Variants in BAIAP2L2 observed in about 807,000 individuals in gnomAD.
BAIAP2L2 encodes the protein BAR/IMD domain-containing adapter protein 2-like 2.
BAIAP2L2 carries 65 observed loss-of-function variants against 60.4 expected under a neutral mutation model. The ratio of observed to expected loss-of-function variants is 1.08; its 90% CI spans 0.88 to 1.32. The LOEUF is 1.32. Among genes scored for constraint, BAIAP2L2 ranks in the 40% most tolerant of loss-of-function variants. The probability of loss-of-function intolerance (pLI) is 0.00; values close to 1 mark genes in which losing one functional copy is unlikely to be tolerated. For synonymous variants in BAIAP2L2, 344 were observed against 301.7 expected, an observed-to-expected ratio of 1.14 and a Z score of -1.45; for missense variants, 836 against 741.2, an observed-to-expected ratio of 1.13 and a Z score of -1.48.
chr22:38,092,385 T>A (rs1170246255), intron 7 of BAIAP2L2, among the ~76,000 whole-genome samples: 1 of 152,180 alleles, frequency 6.6e-6, no homozygotes, highest in Non-Finnish European at 1.5e-5. Context: ...CAAGCCATCC[T>A]CGTGCCTCAG....
At chr22:38,087,568 C>T (rs551432895) in intron 10 of BAIAP2L2, among the ~76,000 whole-genome samples, 1 of 152,216 alleles carries the variant, frequency 6.6e-6, no homozygotes, top group Non-Finnish European at 1.5e-5. Context: ...GCATCTGCAG[C>T]ACACCGTCCT....
Position 38,109,135 on chromosome 22 carries a change from T to C in BAIAP2L2, c.125A>G (p.His42Arg). ...YLGNNYLRAF[H>R]ALSEAAEVYF... is the part of the protein sequence containing the mutation. ...CGGTGGCCCGGGCAGGCACTCACCG[T>C]GGAAGGCACGCAGGTAGTTGTTGCC... The change falls in exon 2 of 14, where the codon CAC becomes CGC. Residue 42 changes from histidine to arginine, a missense_variant and splice_region_variant. His to Arg is a conservative substitution (Grantham distance 29). Transcript: ENST00000381669. 3 of 1,611,574 alleles carry C rather than the reference T, an allele frequency of 1.9e-6. No individual in the cohort carries two copies. The highest frequency in any genetic ancestry group is 2.2e-5 in the East Asian group (1 of 44,840).
chr22:38,103,329 T>C (rs1008128014), intron 4 of BAIAP2L2, among the ~76,000 whole-genome samples: 4 of 152,200 alleles, frequency 2.6e-5, no homozygotes, highest in Non-Finnish European at 4.4e-5. Flanking sequence ...CATATAAATA[T>C]GTATCCATCT....
intron 3 of BAIAP2L2, 32 bp from the exon 4 acceptor site, chr22:38,107,945 G>A (rs2086699312): frequency 1.2e-6 from 2 of 1,609,806 alleles, no homozygotes; most frequent in African/African-American, 1.3e-5. Flanking sequence ...TGGCTTTGGT[G>A]TGTGGCAGCC....
intron 2 of BAIAP2L2, among the ~76,000 whole-genome samples, chr22:38,108,607 G>GT (rs1331160531): frequency 4.6e-5 from 7 of 152,306 alleles, no homozygotes; most frequent in Admixed American, 2.0e-4. Flanking sequence ...GCACTGGTGG[G>GT]TAGTGGGGTG....
intron 10 of BAIAP2L2, 75 bp downstream of exon 10, chr22:38,088,673 G>A: frequency 2.8e-6 from 4 of 1,435,778 alleles, no homozygotes; most frequent in East Asian, 2.6e-5. Flanking sequence ...ACCTCAGTCC[G>A]GCAGGTCCCC....
chr22:38,109,364 C>T (rs2086742554), intron 1 of BAIAP2L2, among the ~76,000 whole-genome samples, 156 bp from the exon 2 acceptor site: 2 of 152,066 alleles, frequency 1.3e-5, no homozygotes, highest in African/African-American at 4.8e-5. Context: ...CCTAGGCTCA[C>T]CCAGAATCCT....
chr22:38,086,041 C>G (rs1001272547), intron 12 of BAIAP2L2, among the ~76,000 whole-genome samples: 9 of 152,356 alleles, frequency 5.9e-5, no homozygotes, highest in Middle Eastern at 3.4e-3. Flanking sequence ...TAGCCCCAGG[C>G]CACACCCTGT....
At position 38,109,658 on chromosome 22, in the gene BAIAP2L2, T is replaced by C. The variant is rs2086755512; in HGVS notation, c.52-450A>G. 2.0e-5 allele frequency among the ~76,000 whole-genome samples: 3 copies of C among 152,126 alleles called. 1 individual carries two copies. The highest frequency in any genetic ancestry group is 2.0e-4 in the Admixed American group (3 of 15,296). Reference sequence around the variant, plus strand: ...GGGGCAAGGGCAGCTCTCGCCCTCCTCCGAGAACAGCCCCCCATGGGCAAG... The same window carrying C: ...GGGGCAAGGGCAGCTCTCGCCCTCCCCCGAGAACAGCCCCCCATGGGCAAG... On this transcript the variant is annotated intron_variant, in intron 1 of 13. Transcript: ENST00000381669.
At chr22:38,089,375 C>CGCGCCGGG in intron 8 of BAIAP2L2, 144 bp from the exon 9 acceptor site, 1 of 576,608 alleles carries the variant, frequency 1.7e-6, no homozygotes. Flanking sequence ...GCGCGGAGAA[C>CGCGCCGGG]GCGCCGGGGC....
chr22:38,085,574 G>T, intron 13 of BAIAP2L2, 112 bp downstream of exon 13: 1 of 1,380,376 alleles, frequency 7.2e-7, no homozygotes, highest in Non-Finnish European at 1.0e-6. Flanking sequence ...ATGTTGAACT[G>T]TTGGAATCAA....
intron 11 of BAIAP2L2, 115 bp downstream of exon 11, chr22:38,087,008 AC>A (rs200016482): frequency 0.048 from 49,080 of 1,026,804 alleles, 706 homozygotes; most frequent in Middle Eastern, 0.064. Context: ...AAAAAAAAAA[AC>A]AAAACAAAAC....
intron 12 of BAIAP2L2, among the ~76,000 whole-genome samples, chr22:38,086,009 C>T (rs1041492693): frequency 6.6e-6 from 1 of 152,214 alleles, no homozygotes; most frequent in Non-Finnish European, 1.5e-5. Context: ...TCCCTGGCCT[C>T]CCCCAGCCCC....
At chr22:38,088,459 C>T (rs780325444) in intron 10 of BAIAP2L2, among the ~76,000 whole-genome samples, 27 of 152,218 alleles carry the variant, frequency 1.8e-4, no homozygotes, top group Non-Finnish European at 1.8e-4. Context: ...ACAGTAGGTG[C>T]TCAAGCAATA....
chr22:38,109,000 TGAGGGTGGTGGGTAG>T, intron 2 of BAIAP2L2, 118 bp downstream of exon 2: 1 of 732,866 alleles, frequency 1.4e-6, no homozygotes, highest in South Asian at 1.6e-5. Context: ...GGTGTGAGGG[TGAGGGTGGTGGGTAG>T]GAGGGTGTAG....
chr22:38,096,780 T>C (rs111820079), intron 7 of BAIAP2L2, among the ~76,000 whole-genome samples: 117 of 152,324 alleles, frequency 7.7e-4, no homozygotes, highest in African/African-American at 2.7e-3. Flanking sequence ...CATGAATAAA[T>C]AAATGCATGA....
At chr22:38,088,697 CCA>C in intron 10 of BAIAP2L2, 49 bp downstream of exon 10, 1 of 1,526,042 alleles carries the variant, frequency 6.6e-7, no homozygotes. Flanking sequence ...TTCCCGGCCC[CCA>C]GGGCCTTCTT....
At chr22:38,103,717 G>A (rs568644735) in intron 4 of BAIAP2L2, among the ~76,000 whole-genome samples, 1 of 152,210 alleles carries the variant, frequency 6.6e-6, no homozygotes, top group South Asian at 2.1e-4. Context: ...ATGAACATTA[G>A]CTAGATGCAG....
At chr22:38,107,495 G>A (rs2086688156) in intron 4 of BAIAP2L2, among the ~76,000 whole-genome samples, 1 of 152,134 alleles carries the variant, frequency 6.6e-6, no homozygotes, top group Non-Finnish European at 1.5e-5. Context: ...GCTCCTGGGA[G>A]TGACATGGTC....
Sources: allele counts gnomAD v4.1 joint callset (sites outside exome capture counted in the v4.1 genomes callset), GRCh38; gene constraint gnomAD v4.1.1; transcripts MANE v1.5; gene names NCBI Gene and HGNC (gene_info 2026-07-23, HGNC 2026-07-21).